Variants in COL6A5 observed in about 807,000 individuals in gnomAD.
COL6A5 encodes the protein collagen alpha-5(VI) chain.
Under a neutral mutation model 65.6 loss-of-function variants are expected in COL6A5, and 48 were observed. That is an observed-to-expected ratio of 0.73 (90% confidence interval 0.58 to 0.93). The LOEUF (loss-of-function observed/expected upper bound fraction) is 0.93, where lower values mean the gene tolerates loss of function less well. Among genes scored for constraint, COL6A5 ranks in the 40% least tolerant of loss-of-function variants. The pLI is 0.00. For missense variants in COL6A5, 914 were observed against 928.3 expected (o/e 0.98, Z 0.20); for synonymous variants, 291 against 322.8 (o/e 0.90, Z 1.05).
chr3:130,398,343 G>C (rs762804650), intron 10 of COL6A5, among the ~76,000 whole-genome samples: 11 of 152,132 alleles, frequency 7.2e-5, no homozygotes, highest in Non-Finnish European at 1.5e-4. Flanking sequence ...TGTTAGCTAG[G>C]GTGGTCTTGA....
At chr3:130,460,178 C>T (rs942842376) in intron 5 of COL6A5, among the ~76,000 whole-genome samples, 8 of 152,090 alleles carry the variant, frequency 5.3e-5, no homozygotes, top group Admixed American at 4.6e-4. Context: ...CCTATCAGTA[C>T]ACTTTTCAAG....
intron 20 of COL6A5, among the ~76,000 whole-genome samples, chr3:130,412,980 T>G (rs545935614): frequency 6.6e-6 from 1 of 152,304 alleles, no homozygotes; most frequent in South Asian, 2.1e-4. Flanking sequence ...TAATTGGTGG[T>G]CGAGATGTTC....
intron 4 of COL6A5, among the ~76,000 whole-genome samples, chr3:130,445,678 G>T (rs562605181): frequency 6.6e-6 from 1 of 152,010 alleles, no homozygotes; most frequent in African/African-American, 2.4e-5. Context: ...GGTGCGGGGG[G>T]GATAATGCCT....
At chr3:130,384,856 C>T in exon 5 of COL6A5, 3 of 1,550,396 alleles carry the variant, frequency 1.9e-6, no homozygotes, top group Non-Finnish European at 2.6e-6. Context: ...ATGGCTCAAG[C>T]AGCATCCAGG....
intron 7 of COL6A5, among the ~76,000 whole-genome samples, chr3:130,483,286 G>C (rs1174110313): frequency 1.3e-5 from 2 of 152,140 alleles, no homozygotes; most frequent in African/African-American, 2.4e-5. Context: ...AAATTGTAAA[G>C]ACCATCGACA....
chr3:130,384,086 T>A (rs1434109510), intron 4 of COL6A5, among the ~76,000 whole-genome samples: 1 of 152,042 alleles, frequency 6.6e-6, no homozygotes, highest in Non-Finnish European at 1.5e-5. Flanking sequence ...AGACCTTTTT[T>A]AAGAGATGAC....
exon 8 of COL6A5, chr3:130,395,408 A>C: frequency 6.5e-7 from 1 of 1,546,512 alleles, no homozygotes; most frequent in Non-Finnish European, 8.7e-7. Context: ...TAAATTAAAG[A>C]ATGTGGATGT....
chr3:130,418,397 C>T (rs1181785078), intron 24 of COL6A5, among the ~76,000 whole-genome samples: 2 of 152,070 alleles, frequency 1.3e-5, no homozygotes, highest in East Asian at 3.9e-4. Flanking sequence ...TTTCGGCAGC[C>T]TCCTCAGGCT....
exon 3 of COL6A5, chr3:130,376,708 T>C (rs1041461048): frequency 1.4e-5 from 22 of 1,613,712 alleles, no homozygotes; most frequent in Non-Finnish European, 1.9e-5. Flanking sequence ...CTGAAGGCCA[T>C]GGCCACATCC....
chr3:130,476,191 A>T (rs819090), intron 7 of COL6A5, among the ~76,000 whole-genome samples: 2 of 151,936 alleles, frequency 1.3e-5, no homozygotes, highest in Admixed American at 1.3e-4. Context: ...TTCCTGGCTT[A>T]CAAATAGCTG....
At chr3:130,427,658 A>G (rs538196120), upstream of COL6A5, among the ~76,000 whole-genome samples, 39 of 152,280 alleles carry the variant, frequency 2.6e-4, no homozygotes, top group Non-Finnish European at 1.0e-4. Context: ...TGTTGAAGTC[A>G]TTCAGTGCTG....
intron 1 of COL6A5, among the ~76,000 whole-genome samples, chr3:130,365,340 A>G (rs958217291): frequency 4.6e-5 from 7 of 152,144 alleles, no homozygotes; most frequent in Non-Finnish European, 7.4e-5. Context: ...AGCAGTGGCG[A>G]GATCTCGGCT....
chr3:130,406,119 G>T lies in COL6A5; in HGVS notation c.4381-12G>T. The T allele has an allele frequency of 6.5e-7, 1 of 1,549,328 alleles. No individual in the cohort carries two copies. The highest frequency in any genetic ancestry group is 8.7e-7 in the Non-Finnish European group (1 of 1,144,804). On this transcript the variant is annotated splice_polypyrimidine_tract_variant and intron_variant and NMD_transcript_variant, in intron 15 of 41. Transcript: ENST00000312481. ...TGCTTTTACCTGATGCCTGTCTATTGTCATCTCTCAGGGAGGTCATGGAGA... is the reference window on the plus strand; with the variant it reads ...TGCTTTTACCTGATGCCTGTCTATTTTCATCTCTCAGGGAGGTCATGGAGA...
rs1935807043 is a variant in COL6A5 at position 130,376,947 on chromosome 3, A to G, written c.667+111A>G. Reference sequence around the variant, plus strand: ...TTTTCATGATTAGCCATGTTGAAGTATTGGAAACTTCTACACATCATACCT... The same window carrying G: ...TTTTCATGATTAGCCATGTTGAAGTGTTGGAAACTTCTACACATCATACCT... On this transcript the variant is annotated intron_variant and NMD_transcript_variant, in intron 3 of 41. Transcript: ENST00000312481. 3.2e-6 allele frequency: 4 copies of G among 1,233,160 alleles called. No individual in the cohort carries two copies. In the Admixed American group the frequency reaches 1.1e-4, roughly 35 times the overall value. 76.4% of individuals were successfully genotyped at this position (1,233,160 alleles called of 1,614,324 possible). A position where few individuals can be genotyped will look rare whatever the true frequency, so the allele number is the denominator to read the frequency against.
chr3:130,484,606 G>T (rs1710327873), exon 8 of COL6A5: 1 of 398,766 alleles, frequency 2.5e-6, no homozygotes, highest in African/African-American at 2.1e-5. Flanking sequence ...TCTTCACCAG[G>T]ACATTGACAA....
chr3:130,420,855 T>A (rs149556554), intron 25 of COL6A5, among the ~76,000 whole-genome samples: 157 of 152,234 alleles, frequency 1.0e-3, no homozygotes, highest in African/African-American at 3.4e-3. Flanking sequence ...CTGTGTTGTT[T>A]GGACCAGCTC....
At chr3:130,376,372 G>T (rs1405652669) in exon 3 of COL6A5, 3 of 1,613,624 alleles carry the variant, frequency 1.9e-6, no homozygotes, top group Non-Finnish European at 2.5e-6. Flanking sequence ...AACAAATACC[G>T]TGTAGCCCTG....
intron 4 of COL6A5, among the ~76,000 whole-genome samples, chr3:130,452,237 G>A (rs1023213211): frequency 5.3e-5 from 8 of 152,076 alleles, no homozygotes; most frequent in Non-Finnish European, 1.0e-4. Flanking sequence ...ACGTTTCTCC[G>A]CACCTACCAA....
chr3:130,446,607 T>C (rs185277214), intron 4 of COL6A5, among the ~76,000 whole-genome samples: 11 of 152,244 alleles, frequency 7.2e-5, no homozygotes, highest in East Asian at 5.8e-4. Context: ...TGCCTGTTTC[T>C]GTGGAGTCGG....
Sources: gnomAD v4.1 joint callset for allele counts (sites outside exome capture counted in the v4.1 genomes callset) on GRCh38, gnomAD v4.1.1 for gene constraint, MANE v1.5 for transcripts, NCBI Gene and HGNC (gene_info 2026-07-23, HGNC 2026-07-21) for gene names.